The following SH3PXD2A variants were observed in gnomAD, a reference collection of about 807,000 sequenced individuals.
The protein encoded by SH3PXD2A is SH3 and PX domain-containing protein 2A.
Under a neutral mutation model 115.2 loss-of-function variants are expected in SH3PXD2A, and 32 were observed. The observed-to-expected ratio is 0.28, with a 90% CI of 0.21 to 0.37. The LOEUF (loss-of-function observed/expected upper bound fraction) is 0.37. Among genes scored for constraint, SH3PXD2A ranks in the 10% least tolerant of loss-of-function variants. The probability of loss-of-function intolerance (pLI) is 1.00; values close to 1 mark genes in which losing one functional copy is unlikely to be tolerated. For missense variants in SH3PXD2A, 1,328 were observed against 1,498.7 expected (o/e 0.89, Z 1.88); for synonymous variants, 610 against 629.1 (o/e 0.97, Z 0.45).
intron 1 of SH3PXD2A, among the ~76,000 whole-genome samples, chr10:103,837,476 C>T (rs2039557220): frequency 6.6e-6 from 1 of 152,190 alleles, no homozygotes; most frequent in Non-Finnish European, 1.5e-5. Context: ...AATTAGCCCC[C>T]TACCTTCCCC....
At chr10:103,792,956 G>T (rs1231538162) in intron 2 of SH3PXD2A, among the ~76,000 whole-genome samples, 1 of 152,066 alleles carries the variant, frequency 6.6e-6, no homozygotes, top group Non-Finnish European at 1.5e-5. Flanking sequence ...TTTATAATGA[G>T]TTTCATGTCC....
chr10:103,647,148 C>T (rs941191730), intron 8 of SH3PXD2A, among the ~76,000 whole-genome samples: 4 of 152,146 alleles, frequency 2.6e-5, no homozygotes, highest in African/African-American at 9.7e-5. Flanking sequence ...CCAGCTGTCA[C>T]CCATGAGGAG....
rs929566984 is a variant in SH3PXD2A, at chr10:103,756,346, C to T, written c.229+10748G>A. 3.9e-5 allele frequency among the ~76,000 whole-genome samples: 6 copies of T among 152,130 alleles called. No individual in the cohort carries two copies. Among genetic ancestry groups the T allele is most frequent in the Non-Finnish European group, 7.4e-5 (5 of 68,010 alleles). The stretch of plus-strand genomic sequence containing the variant: ...CAGGAGGGCAGTGTGCGGGATTAGG[C>T]CAGGGACACTGTGGGAGTTTATCTC... On this transcript the variant is annotated intron_variant, in intron 3 of 14. Coordinates refer to ENST00000369774, the MANE Select transcript of SH3PXD2A (RefSeq NM_001394015.1). The surrounding 1 kb of genome is among the most constrained non-coding windows in gnomAD (Gnocchi z 4.4).
At chr10:103,606,691 T>C (rs1421852434) in intron 13 of SH3PXD2A, among the ~76,000 whole-genome samples, 1 of 152,154 alleles carries the variant, frequency 6.6e-6, no homozygotes, top group Admixed American at 6.5e-5. Context: ...GAGACGGGGT[T>C]TCGCTGTGTT....
rs924715851 is a variant in SH3PXD2A at position 103,784,928 on chromosome 10, G to T, written c.153+16354C>A. Among the ~76,000 whole-genome samples the T allele has an allele frequency of 7.9e-5, 12 of 152,128 alleles. No homozygotes were observed. Among genetic ancestry groups the T allele is most frequent in the African/African-American group, 2.7e-4 (11 of 41,422 alleles). On this transcript the variant is annotated intron_variant, in intron 2 of 14. Coordinates refer to ENST00000369774, the MANE Select transcript of SH3PXD2A (RefSeq NM_001394015.1). The surrounding 1 kb of genome is among the most constrained non-coding windows in gnomAD (Gnocchi z 4.4). ...GCCTACTAGGCGTGTCTGCTTAGAC[G>T]GGTAACCAGTCTGCAGGTCAGCTCG...
chr10:103,798,190 ATCAAAGGGG>A (rs2039112864), intron 2 of SH3PXD2A, among the ~76,000 whole-genome samples: 1 of 152,172 alleles, frequency 6.6e-6, no homozygotes, highest in African/African-American at 2.4e-5. Context: ...CCAAGGGTCT[ATCAAAGGGG>A]TCAAAGGGGT....
At chr10:103,698,917 T>C (rs575662949) in intron 5 of SH3PXD2A, among the ~76,000 whole-genome samples, 2 of 152,130 alleles carry the variant, frequency 1.3e-5, no homozygotes, top group Admixed American at 1.3e-4. Context: ...GGGAAAGCTC[T>C]ACAAGCAGGA....
chr10:103,768,164 C>T (rs1030638818), intron 2 of SH3PXD2A, among the ~76,000 whole-genome samples: 2 of 152,176 alleles, frequency 1.3e-5, no homozygotes, highest in African/African-American at 2.4e-5. Flanking sequence ...AAAGTTCTTG[C>T]GCTCAGGGAG....
At chr10:103,804,254 G>A (rs2039175704) in intron 1 of SH3PXD2A, among the ~76,000 whole-genome samples, 1 of 151,844 alleles carries the variant, frequency 6.6e-6, no homozygotes, top group Non-Finnish European at 1.5e-5. Flanking sequence ...CCGGGCTGAG[G>A]AGGGAGTACA....
At chr10:103,715,921 G>T (rs1589426250) in intron 5 of SH3PXD2A, among the ~76,000 whole-genome samples, 1 of 152,204 alleles carries the variant, frequency 6.6e-6, no homozygotes, top group East Asian at 1.9e-4. Flanking sequence ...CCTGGGCTCT[G>T]CTTCTCCCAG....
intron 1 of SH3PXD2A, among the ~76,000 whole-genome samples, chr10:103,823,901 G>A (rs928793090): frequency 2.6e-5 from 4 of 152,172 alleles, no homozygotes; most frequent in Admixed American, 2.0e-4. Flanking sequence ...GCCAGTCAGC[G>A]TGTCAAGGCC....
rs540275897 is a variant in SH3PXD2A at position 103,801,900 on chromosome 10, C to T, written c.73-538G>A. Among the ~76,000 whole-genome samples, 16 of 152,234 alleles carry T rather than the reference C, an allele frequency of 1.1e-4. No homozygotes were observed. In the Middle Eastern group the frequency reaches 0.027, roughly 259 times the overall value. The stretch of plus-strand genomic sequence containing the variant: ...GGTATTTTTAGTAGAGACGGGGTTT[C>T]GCCATGTTGGCCAGGCTGGTCTCGA... On this transcript the variant is annotated intron_variant, in intron 1 of 14. Transcript: ENST00000369774.
intron 1 of SH3PXD2A, among the ~76,000 whole-genome samples, chr10:103,826,010 A>G (rs1234041989): frequency 6.6e-6 from 1 of 152,016 alleles, no homozygotes; most frequent in Non-Finnish European, 1.5e-5. Flanking sequence ...TGATCGGCCC[A>G]CCTCGGCCTC....
chr10:103,688,570 A>G (rs1429647348), intron 6 of SH3PXD2A, among the ~76,000 whole-genome samples: 2 of 152,230 alleles, frequency 1.3e-5, no homozygotes, highest in Non-Finnish European at 2.9e-5. Context: ...AGCCATGTGA[A>G]AGATCAGGGA....
At chr10:103,623,954 C>T (rs944794169) in intron 9 of SH3PXD2A, among the ~76,000 whole-genome samples, 6 of 151,928 alleles carry the variant, frequency 3.9e-5, no homozygotes, top group African/African-American at 1.2e-4. Flanking sequence ...ACTCTGTGTG[C>T]GAGGCCCAGT....
In SH3PXD2A at chr10:103,822,718, T is replaced by C. The variant is rs547816761; in HGVS notation, c.73-21356A>G. Among the ~76,000 whole-genome samples the C allele has an allele frequency of 1.0e-3, 157 of 152,004 alleles. 1 individual carries two copies. Among genetic ancestry groups the C allele is most frequent in the South Asian group, 0.01 (48 of 4,800 alleles). ...CCAAGCCCCCTTAGAGAATACCCCCTCTCTCCAAGGAACAATCCTCTAAAC... is the reference window on the plus strand; with the variant it reads ...CCAAGCCCCCTTAGAGAATACCCCCCCTCTCCAAGGAACAATCCTCTAAAC... On this transcript the variant is annotated intron_variant, in intron 1 of 14. Coordinates refer to ENST00000369774, the MANE Select transcript of SH3PXD2A (RefSeq NM_001394015.1).
At chr10:103,828,909 C>T (rs75135963) in intron 1 of SH3PXD2A, among the ~76,000 whole-genome samples, 184 of 152,246 alleles carry the variant, frequency 1.2e-3, no homozygotes, top group African/African-American at 3.5e-3. Flanking sequence ...GGTGGTGTTG[C>T]GATTTCTGCA....
intron 1 of SH3PXD2A, among the ~76,000 whole-genome samples, chr10:103,818,088 A>C (rs2039342618): frequency 6.6e-6 from 1 of 152,248 alleles, no homozygotes; most frequent in South Asian, 2.1e-4. Context: ...CATTTCAGCA[A>C]AGCTATTGTT....
At chr10:103,619,486 A>C (rs1245314600) in intron 10 of SH3PXD2A, among the ~76,000 whole-genome samples, 1 of 152,186 alleles carries the variant, frequency 6.6e-6, no homozygotes, top group Admixed American at 6.5e-5. Context: ...TTCCTAGGCA[A>C]GGTTGCATTT....
Sources: allele counts gnomAD v4.1 joint callset (sites outside exome capture counted in the v4.1 genomes callset), GRCh38; gene constraint gnomAD v4.1.1; non-coding constraint Gnocchi (gnomAD v3.1); transcripts MANE v1.5; gene names NCBI Gene and HGNC (gene_info 2026-07-23, HGNC 2026-07-21).